Variants in NLRC3 observed in about 807,000 individuals in gnomAD.
NLRC3 encodes NLR family CARD domain containing 3.
A neutral mutation model predicts 91.6 loss-of-function variants in NLRC3; 87 were observed. The ratio of observed to expected loss-of-function variants is 0.95; its 90% CI spans 0.80 to 1.14. The LOEUF (loss-of-function observed/expected upper bound fraction) is 1.14. NLRC3 is among the 50% of genes most tolerant of loss of function. The pLI, the probability that NLRC3 is intolerant of heterozygous loss-of-function variation, is 0.00. For missense variants in NLRC3, 1,577 were observed against 1,418.6 expected (o/e 1.11, Z -1.79); for synonymous variants, 694 against 625.3 (o/e 1.11, Z -1.64).
chr16:3,575,684 G>C (rs2040262130), intron 1 of NLRC3, among the ~76,000 whole-genome samples: 1 of 152,192 alleles, frequency 6.6e-6, no homozygotes, highest in Non-Finnish European at 1.5e-5. Flanking sequence ...CAAGTGGCCT[G>C]CTGCCTCATT....
At chr16:3,549,090 G>T in intron 13 of NLRC3, 52 bp downstream of exon 13, 2 of 1,345,226 alleles carry the variant, frequency 1.5e-6, no homozygotes, top group Non-Finnish European at 2.1e-6. Flanking sequence ...GCTCGGTGTG[G>T]GTGTGGTCAT....
Position 3,542,217 on chromosome 16 carries a change from A to T in NLRC3, c.3081T>A (p.Ser1027=). The change falls in exon 19 of 20, where the codon TCT becomes TCA. Residue 1027 remains serine (S), a synonymous_variant. Coordinates refer to ENST00000359128, the MANE Select transcript of NLRC3 (RefSeq NM_178844.4). ...TGATATGCTGGAGCCTGTGGTTTCC[A>T]GACAGTGCTGTGGCAATGCATATCG... is the stretch of plus-strand genomic sequence containing the variant. The part of the protein sequence containing the change: ...DGAICIATAL[S]GNHRLQHINL... 6.3e-7 allele frequency: 1 copy of T among 1,592,386 alleles called. No individual in the cohort carries two copies. Among genetic ancestry groups the T allele is most frequent in the Non-Finnish European group, 8.6e-7 (1 of 1,169,116 alleles).
At position 3,554,305 on chromosome 16, in the gene NLRC3, C is replaced by T; in HGVS notation, c.2204G>A (p.Arg735Lys). ...TSLSLQGNTV[R>K]DDGARSMAEA... ...AGCCATGGACCTGGCACCATCATCC[C>T]TAACGGTGTTGCCCTGGAGGCTGCA... Residue 735 changes from arginine (R) to lysine (K), a missense_variant, in exon 9 of 20, where the codon AGG (arginine) becomes AAG (lysine). Coordinates refer to ENST00000359128, the MANE Select transcript of NLRC3 (RefSeq NM_178844.4). 6.2e-7 allele frequency: 1 copy of T among 1,613,786 alleles called. No individual in the cohort carries two copies. Among genetic ancestry groups the T allele is most frequent in the South Asian group, 1.1e-5 (1 of 91,074 alleles).
chr16:3,577,114 C>T, intron 1 of NLRC3, 35 bp downstream of exon 1: 2 of 703,134 alleles, frequency 2.8e-6, no homozygotes, highest in Non-Finnish European at 5.2e-6. Flanking sequence ...TCTCCCTCCC[C>T]TGCCCTGCAC....
intron 10 of NLRC3, among the ~76,000 whole-genome samples, chr16:3,551,633 A>G (rs2039010580): frequency 6.6e-6 from 1 of 151,474 alleles, no homozygotes; most frequent in Non-Finnish European, 1.5e-5. Flanking sequence ...CCATCCATTC[A>G]TTCAACCATC....
At chr16:3,571,434 A>G (rs902491141) in intron 1 of NLRC3, among the ~76,000 whole-genome samples, 6 of 150,428 alleles carry the variant, frequency 4.0e-5, no homozygotes, top group Non-Finnish European at 8.9e-5. Context: ...GGAACTAGCT[A>G]TGGGGAGGCT....
At chr16:3,548,920 C>T (rs952804448) in intron 13 of NLRC3, among the ~76,000 whole-genome samples, 167 bp from the exon 14 acceptor site, 1 of 152,326 alleles carries the variant, frequency 6.6e-6, no homozygotes, top group African/African-American at 2.4e-5. Flanking sequence ...CATCCATCCC[C>T]ACCAGGTGAA....
At position 3,556,956 on chromosome 16, in the gene NLRC3, G is replaced by A. The variant is rs768816607; in HGVS notation, c.2138C>T (p.Ala713Val). Residue 713 changes from alanine to valine, a missense_variant, in exon 8 of 20, where the codon GCG becomes GTG. Transcript: ENST00000359128. Reference protein sequence around the residue: ...GNSIGPQGAKALADALKINRT... With the variant: ...GNSIGPQGAKVLADALKINRT... Reference sequence around the variant, plus strand: ...GTTGATCTTCAAAGCGTCTGCCAGCGCCTTGGCCCCTTGTGGTCCAATGGA... The same window carrying A: ...GTTGATCTTCAAAGCGTCTGCCAGCACCTTGGCCCCTTGTGGTCCAATGGA... The A allele has an allele frequency of 1.4e-5, 23 of 1,613,784 alleles. No individual in the cohort carries two copies. The highest frequency in any genetic ancestry group is 6.7e-5 in the African/African-American group (5 of 75,044).
Position 3,564,780 on chromosome 16 carries a change from G to A in NLRC3, c.179-22C>T. The A allele has an allele frequency of 6.4e-7, 1 of 1,567,172 alleles. No individual in the cohort carries two copies. The highest frequency in any genetic ancestry group is 8.6e-7 in the Non-Finnish European group (1 of 1,160,050). On this transcript the variant is annotated intron_variant, in intron 4 of 19. Transcript: ENST00000359128. This position sits in a 1 kb window ranked among gnomAD's most constrained non-coding sequence, Gnocchi z 5.9. ...GAGTCTGCGGGACAGAGGCCAGTGG[G>A]GAGGTCTGGTAAGGGAAGAGTGGGC...
At position 3,556,910 on chromosome 16, in the gene NLRC3, C is replaced by G. The variant is rs1309920678; in HGVS notation, c.2183+1G>C. Reference sequence around the variant, plus strand: ...CAACACAGGGAGCAGGTGACACACACCTCAGGGAGGTCAGGGTGCGGTTGA... The same window carrying G: ...CAACACAGGGAGCAGGTGACACACAGCTCAGGGAGGTCAGGGTGCGGTTGA... On this transcript the variant is annotated splice_donor_variant, in intron 8 of 19. Transcript: ENST00000359128. LOFTEE classifies it high-confidence loss of function. 9 of 1,610,554 alleles carry G rather than the reference C, an allele frequency of 5.6e-6. No homozygotes were observed. In the Admixed American group the frequency reaches 1.5e-4, roughly 27 times the overall value.
chr16:3,565,469 CAAAAAAAAAAAAAAAAA>C (rs57860901), intron 2 of NLRC3, 89 bp from the exon 3 acceptor site: 21 of 44,858 alleles, frequency 4.7e-4, no homozygotes, highest in Non-Finnish European at 6.2e-4. Flanking sequence ...TGGGAAAAAG[CAAAAAAAAAAAAAAAAA>C]AAAAAAAAAA....
rs763840080 is a variant in NLRC3, at chr16:3,552,260, C to G, written c.2287G>C (p.Gly763Arg). Residue 763 changes from glycine to arginine, a missense_variant, in exon 10 of 20, where the codon GGG (glycine) becomes CGG (arginine). Coordinates refer to ENST00000359128, the MANE Select transcript of NLRC3 (RefSeq NM_178844.4). The part of the protein sequence containing the change: ...SMLHLQKNSI[G>R]PMGAQRMADA... The stretch of plus-strand genomic sequence containing the variant: ...GCCATCCGCTGGGCTCCCATGGGCC[C>G]GATGCTGTTCTTCTGCAGGCTGTGG... 14 of 1,613,180 alleles carry G rather than the reference C, an allele frequency of 8.7e-6. No individual in the cohort carries two copies. Among genetic ancestry groups the G allele is most frequent in the Non-Finnish European group, 9.3e-6 (11 of 1,179,302 alleles).
Position 3,565,024 on chromosome 16 carries a change from C to T in NLRC3, c.13G>A (p.Glu5Lys). The T allele has an allele frequency of 6.2e-7, 1 of 1,609,756 alleles. No individual in the cohort carries two copies. The highest frequency in any genetic ancestry group is 8.5e-7 in the Non-Finnish European group (1 of 1,179,692). Residue 5 changes from glutamate (E) to lysine (K), a missense_variant, in exon 4 of 20, where the codon GAG (glutamate) becomes AAG (lysine). Coordinates refer to ENST00000359128, the MANE Select transcript of NLRC3 (RefSeq NM_178844.4). MRKQ[E>K]VRTGREAGQG... is the part of the protein sequence containing the mutation. Reference sequence around the variant, plus strand: ...CCGGCCTCCCTGCCCGTCCGCACCTCTTGCTTCCTCATGGAGTCGGGGATC... The same window carrying T: ...CCGGCCTCCCTGCCCGTCCGCACCTTTTGCTTCCTCATGGAGTCGGGGATC...
intron 17 of NLRC3, chr16:3,543,088 A>G (rs935556059): frequency 4.1e-6 from 2 of 489,392 alleles, no homozygotes; most frequent in Non-Finnish European, 7.4e-6. Flanking sequence ...GCTCCCAGCA[A>G]GGGCAGGAAT....
At chr16:3,548,289 C>T in intron 14 of NLRC3, 71 bp from the exon 15 acceptor site, 2 of 1,217,422 alleles carry the variant, frequency 1.6e-6, no homozygotes, top group Non-Finnish European at 2.3e-6. Flanking sequence ...GCCAAGGAGG[C>T]TCTGATGGCA....
chr16:3,550,553 G>C (rs951427712), intron 10 of NLRC3, 56 bp from the exon 11 acceptor site: 7 of 1,317,414 alleles, frequency 5.3e-6, no homozygotes, highest in Non-Finnish European at 7.7e-6. Flanking sequence ...GGCAGGGCTG[G>C]GCAGAGGGAT....
chr16:3,564,128 C>A lies in NLRC3; in HGVS notation c.809G>T (p.Ser270Ile), dbSNP rs753764515. The A allele has an allele frequency of 1.9e-6, 3 of 1,613,542 alleles. No homozygotes were observed. The highest frequency in any genetic ancestry group is 4.5e-5 in the East Asian group (2 of 44,898). Reference sequence around the variant, plus strand: ...GCCCCCTGGGATCTGGCCAGATGCACTGGGACGGGAGGTGATCCAGATGGA... The same window carrying A: ...GCCCCCTGGGATCTGGCCAGATGCAATGGGACGGGAGGTGATCCAGATGGA... The part of the protein sequence containing the change: ...EVSIWITSRP[S>I]ASGQIPGGLV... The change falls in exon 5 of 20, where the codon AGT becomes ATT. Residue 270 changes from serine (S) to isoleucine (I), a missense_variant. By Grantham distance (142) the Ser-to-Ile change is moderately radical (BLOSUM62 -2). Coordinates refer to ENST00000359128, the MANE Select transcript of NLRC3 (RefSeq NM_178844.4). The surrounding 1 kb of genome is among the most constrained non-coding windows in gnomAD (Gnocchi z 5.9).
At chr16:3,548,863 G>C (rs1181103698) in intron 13 of NLRC3, 110 bp from the exon 14 acceptor site, 15 of 764,804 alleles carry the variant, frequency 2.0e-5, no homozygotes, top group Non-Finnish European at 3.2e-5. Flanking sequence ...GCCAGCACGA[G>C]GGGGTGCTTC....
Position 3,556,986 on chromosome 16 carries a change from C to T in NLRC3, c.2108G>A (p.Gly703Asp). The change falls in exon 8 of 20, where the codon GGT becomes GAT. Residue 703 changes from glycine to aspartate, a missense_variant. Coordinates refer to ENST00000359128, the MANE Select transcript of NLRC3 (RefSeq NM_178844.4). ...NRSLTSLDLR[G>D]NSIGPQGAKA... ...GGCCCCTTGTGGTCCAATGGAGTTA[C>T]CGCGGAGGCTGAAGGAAGAGAGAAA... is the stretch of plus-strand genomic sequence containing the variant. 1 of 1,612,648 alleles carries T rather than the reference C, an allele frequency of 6.2e-7. No homozygotes were observed. Among genetic ancestry groups the T allele is most frequent in the South Asian group, 1.1e-5 (1 of 91,038 alleles).
Sources: gnomAD v4.1 joint callset for allele counts (sites outside exome capture counted in the v4.1 genomes callset) on GRCh38, gnomAD v4.1.1 for gene constraint, Gnocchi (gnomAD v3.1) non-coding constraint, MANE v1.5 for transcripts, NCBI Gene and HGNC (gene_info 2026-07-23, HGNC 2026-07-21) for gene names.